The following GSN variants were observed in gnomAD, a reference collection of about 807,000 sequenced individuals.
GSN encodes the protein actin-depolymerizing factor.
GSN carries 56 observed loss-of-function variants against 85.7 expected under a neutral mutation model. That is an observed-to-expected ratio of 0.65 (90% confidence interval 0.53 to 0.82). The LOEUF is 0.82. Ranked by LOEUF, GSN falls within the 40% of genes least tolerant of loss-of-function variation. The pLI is 0.00. For missense variants in GSN, 857 were observed against 979.8 expected, an observed-to-expected ratio of 0.87 and a Z score of 1.67; for synonymous variants, 373 against 399.1, an observed-to-expected ratio of 0.93 and a Z score of 0.78.
chr9:121,248,370 C>G (rs1355388193), intron 6 of GSN: 2 of 152,310 alleles, frequency 1.3e-5, no homozygotes, highest in Admixed American at 6.5e-5. Flanking sequence ...TTAATCCTCC[C>G]TCCCTCTCTT....
intron 4 of GSN, among the ~76,000 whole-genome samples, chr9:121,227,624 T>C (rs980985068): frequency 6.6e-6 from 1 of 152,094 alleles, no homozygotes; most frequent in Non-Finnish European, 1.5e-5. Flanking sequence ...AATCTTTAGA[T>C]AGATAGTATT....
intron 4 of GSN, chr9:121,223,148 C>T (rs1274717941): frequency 1.3e-5 from 2 of 152,168 alleles, no homozygotes; most frequent in African/African-American, 4.8e-5. Flanking sequence ...TGCTTGAGCC[C>T]ACTTGCCCAA....
chr9:121,235,186 C>T (rs192153014), intron 5 of GSN, among the ~76,000 whole-genome samples: 1 of 152,334 alleles, frequency 6.6e-6, no homozygotes, highest in Admixed American at 6.5e-5. Context: ...GCACCCATGG[C>T]CCCAGTGAAC....
chr9:121,277,051 C>T (rs1451177765), intron 1 of GSN, among the ~76,000 whole-genome samples: 1 of 152,176 alleles, frequency 6.6e-6, no homozygotes, highest in Non-Finnish European at 1.5e-5. Context: ...TGCCCCCACC[C>T]CTCCATAATA....
intron 1 of GSN, among the ~76,000 whole-genome samples, chr9:121,276,543 C>G (rs576584642): frequency 6.6e-6 from 1 of 152,224 alleles, no homozygotes; most frequent in Non-Finnish European, 1.5e-5. Flanking sequence ...GCGCACCCCC[C>G]CGACTGCCTC....
chr9:121,238,042 G>A (rs1171959386), intron 5 of GSN: 1 of 152,284 alleles, frequency 6.6e-6, no homozygotes, highest in Non-Finnish European at 1.5e-5. Flanking sequence ...GATGAGGCTA[G>A]GGGAGTGCTA....
rs373229223 is a variant in GSN at position 121,302,915 on chromosome 9, T to C, written c.201T>C (p.Asn67=). Residue 67 remains asparagine, a synonymous_variant, in exon 4 of 18, where the codon AAT becomes AAC. Coordinates refer to ENST00000432226, the MANE Select transcript of GSN (RefSeq NM_198252.3). ...LQYDLHYWLG[N]ECSQDESGAA... Reference sequence around the variant, plus strand: ...TATTGCTCTGATGTCCCGTAGGCAATGAGTGCAGCCAGGATGAGAGCGGGG... The same window carrying C: ...TATTGCTCTGATGTCCCGTAGGCAACGAGTGCAGCCAGGATGAGAGCGGGG... The C allele has an allele frequency of 6.2e-7, 1 of 1,613,738 alleles. No homozygotes were observed. Among genetic ancestry groups the C allele is most frequent in the Non-Finnish European group, 8.5e-7 (1 of 1,179,996 alleles).
intron 2 of GSN, chr9:121,282,324 TA>T (rs1409867401): frequency 3.5e-6 from 2 of 572,798 alleles, no homozygotes; most frequent in African/African-American, 3.7e-5. Flanking sequence ...GGATCACTAC[TA>T]GGGGGAATCG....
At chr9:121,234,062 C>T (rs563721334) in intron 5 of GSN, among the ~76,000 whole-genome samples, 10 of 152,240 alleles carry the variant, frequency 6.6e-5, no homozygotes, top group South Asian at 6.2e-4. Flanking sequence ...ACCTAAGCCT[C>T]GTGGGTCAAG....
At chr9:121,305,748 C>G (rs1016115228) in intron 4 of GSN, among the ~76,000 whole-genome samples, 2 of 152,208 alleles carry the variant, frequency 1.3e-5, no homozygotes, top group Non-Finnish European at 1.5e-5. Flanking sequence ...GGCGCTGGCT[C>G]CTGGTGTGAA....
chr9:121,203,037 G>C (rs1322519016), upstream of GSN: 6 of 152,102 alleles, frequency 3.9e-5, no homozygotes, highest in African/African-American at 1.2e-4. Context: ...TGAGGCAAGA[G>C]AACGGCGTGA....
Position 121,249,156 on chromosome 9 carries a change from G to A in GSN, c.-341+833G>A, listed in dbSNP as rs116819988. 1.6e-3 allele frequency among the ~76,000 whole-genome samples: 237 copies of A among 152,156 alleles called. 1 individual carries two copies. Among genetic ancestry groups the A allele is most frequent in the African/African-American group, 5.2e-3 (216 of 41,492 alleles). On this transcript the variant is annotated intron_variant, in intron 6 of 24. Coordinates refer to the GSN transcript ENST00000373823. Reference sequence around the variant, plus strand: ...TTGGCAACAGAGGTGCAGGCAGGATGATGTCTAAGGAGATGCAAGAGACTG... The same window carrying A: ...TTGGCAACAGAGGTGCAGGCAGGATAATGTCTAAGGAGATGCAAGAGACTG...
intron 2 of GSN, among the ~76,000 whole-genome samples, chr9:121,297,410 C>T (rs1452509725): frequency 6.6e-6 from 1 of 152,026 alleles, no homozygotes; most frequent in Non-Finnish European, 1.5e-5. Flanking sequence ...TTTATCACCC[C>T]GAAAAGTTCC....
At chr9:121,320,152 A>G (rs1485900753) in intron 10 of GSN, among the ~76,000 whole-genome samples, 1 of 152,180 alleles carries the variant, frequency 6.6e-6, no homozygotes, top group African/African-American at 2.4e-5. Context: ...ACCTTCAAGA[A>G]TGTTCAAAAT....
At chr9:121,244,060 A>G (rs976186517) in intron 5 of GSN, among the ~76,000 whole-genome samples, 2 of 152,142 alleles carry the variant, frequency 1.3e-5, no homozygotes, top group African/African-American at 4.8e-5. Flanking sequence ...TCCCTGTAAT[A>G]TTGTCTTTTT....
chr9:121,257,977 T>C (rs1161604742), intron 6 of GSN, among the ~76,000 whole-genome samples: 2 of 152,242 alleles, frequency 1.3e-5, no homozygotes, highest in Non-Finnish European at 2.9e-5. Context: ...GAAAAATGTT[T>C]GCTTAATAAT....
intron 6 of GSN, 76 bp from the exon 7 acceptor site, chr9:121,313,858 C>T: frequency 8.6e-7 from 1 of 1,161,758 alleles, no homozygotes; most frequent in Non-Finnish European, 1.3e-6. Context: ...TGATCCTTGC[C>T]TGCCTGGGAG....
At chr9:121,246,965 A>T (rs755316349) in intron 5 of GSN, among the ~76,000 whole-genome samples, 2 of 152,196 alleles carry the variant, frequency 1.3e-5, no homozygotes, top group African/African-American at 2.4e-5. Flanking sequence ...TCCTGTAGGC[A>T]GAAGAGCAAT....
At chr9:121,282,861 C>T (rs914117406) in intron 2 of GSN, 6 of 258,392 alleles carry the variant, frequency 2.3e-5, no homozygotes, top group Admixed American at 2.2e-4. Flanking sequence ...CCCTGTCTTC[C>T]GCAGACCCTG....
Sources: gnomAD v4.1 joint callset for allele counts (sites outside exome capture counted in the v4.1 genomes callset) on GRCh38, gnomAD v4.1.1 for gene constraint, MANE v1.5 for transcripts, NCBI Gene and HGNC (gene_info 2026-07-23, HGNC 2026-07-21) for gene names.